PGR: variants seen among roughly 807,000 people sequenced by gnomAD.
PGR encodes progesterone receptor.
PGR carries 25 observed loss-of-function variants against 76.1 expected under a neutral mutation model. That is an observed-to-expected ratio of 0.33 (90% confidence interval 0.24 to 0.46). The LOEUF is 0.46. PGR is among the 20% of genes least tolerant of loss of function. The pLI is 1.00. For synonymous variants in PGR, 579 were observed against 535.0 expected, an observed-to-expected ratio of 1.08 and a Z score of -1.14; for missense variants, 1,172 against 1,225.3, an observed-to-expected ratio of 0.96 and a Z score of 0.65.
At chr11:101,117,601 T>C (rs1254822059) in intron 2 of PGR, among the ~76,000 whole-genome samples, 1 of 152,078 alleles carries the variant, frequency 6.6e-6, no homozygotes, top group Non-Finnish European at 1.5e-5. Flanking sequence ...ACTTTTAGGT[T>C]TCTTTTCTTC....
At chr11:101,103,881 G>A (rs1171706889) in intron 2 of PGR, among the ~76,000 whole-genome samples, 1 of 152,088 alleles carries the variant, frequency 6.6e-6, no homozygotes, top group African/African-American at 2.4e-5. Flanking sequence ...ACTTACTTCT[G>A]TTATACGTGT....
intron 2 of PGR, among the ~76,000 whole-genome samples, chr11:101,117,602 T>C (rs766189552): frequency 6.6e-6 from 1 of 152,136 alleles, no homozygotes; most frequent in African/African-American, 2.4e-5. Context: ...CTTTTAGGTT[T>C]CTTTTCTTCA....
At chr11:101,102,866 G>C (rs1457200383) in intron 2 of PGR, among the ~76,000 whole-genome samples, 1 of 145,308 alleles carries the variant, frequency 6.9e-6, no homozygotes, top group East Asian at 2.2e-4. Context: ...TGAGGGGTGG[G>C]GGGGGTTGGG....
Position 101,053,447 on chromosome 11 carries a change from A to G in PGR, c.2213-1879T>C, listed in dbSNP as rs1860166208. Among the ~76,000 whole-genome samples the G allele has an allele frequency of 3.9e-5, 6 of 152,114 alleles. No individual in the cohort carries two copies. In the South Asian group the frequency reaches 1.0e-3, roughly 26 times the overall value. On this transcript the variant is annotated intron_variant, in intron 4 of 7. Transcript: ENST00000325455. ...ATTAGAGATGCCATAGTGAGCATTT[A>G]CCTTTTACTGAGAAGGGATGCTCTT...
At chr11:101,073,517 T>TA (rs956064491) in intron 3 of PGR, among the ~76,000 whole-genome samples, 3,214 of 143,728 alleles carry the variant, frequency 0.022, 79 homozygotes, top group African/African-American at 0.058. Context: ...GAAAAACCCT[T>TA]AAAAAAAAAA....
At chr11:101,121,783 A>G (rs1475311182) in intron 2 of PGR, among the ~76,000 whole-genome samples, 1 of 152,238 alleles carries the variant, frequency 6.6e-6, no homozygotes, top group South Asian at 2.1e-4. Flanking sequence ...AGTACCTAAC[A>G]TAGTGCCTGG....
At chr11:101,112,936 A>G (rs1298826699) in intron 2 of PGR, among the ~76,000 whole-genome samples, 2 of 152,360 alleles carry the variant, frequency 1.3e-5, no homozygotes, top group Middle Eastern at 3.4e-3. Flanking sequence ...TGTTTAATAT[A>G]ACACATTTAG....
At chr11:101,115,463 A>G (rs1272937229) in intron 2 of PGR, among the ~76,000 whole-genome samples, 1 of 152,140 alleles carries the variant, frequency 6.6e-6, no homozygotes, top group Non-Finnish European at 1.5e-5. Context: ...GCATGGTACT[A>G]AGAATTTATT....
In PGR at chr11:101,033,319, A is replaced by G. The variant is rs78585439; in HGVS notation, c.*5797T>C. On this transcript the variant is annotated 3_prime_UTR_variant, in exon 8 of 8. Transcript: ENST00000325455. ...GAGCCACATCTCTGTTTCAACAAGA[A>G]TATGGTATGTTTGTATTAACTCTCC... is the stretch of plus-strand genomic sequence containing the variant. 1,217 of 202,564 alleles carry G rather than the reference A, an allele frequency of 6.0e-3. 18 individuals are homozygous for G. The highest frequency in any genetic ancestry group is 0.026 in the African/African-American group (1,152 of 43,760). The allele number at this position is 202,564 out of a possible 1,614,324, so 12.5% of individuals were successfully genotyped here.
At chr11:101,055,946 T>C (rs1860272988) in intron 4 of PGR, among the ~76,000 whole-genome samples, 1 of 152,208 alleles carries the variant, frequency 6.6e-6, no homozygotes, top group Non-Finnish European at 1.5e-5. Context: ...CAGAATGGAA[T>C]AGAACTCAGA....
In PGR at chr11:101,030,706, G is replaced by C. The variant is rs994316223; in HGVS notation, c.*8410C>G. The C allele has an allele frequency of 5.8e-5, 12 of 208,106 alleles. No individual in the cohort carries two copies. In the South Asian group the frequency reaches 2.3e-3, roughly 39 times the overall value. The allele number at this position is 208,106 out of a possible 1,614,324, so 12.9% of individuals were successfully genotyped here. Reference sequence around the variant, plus strand: ...AGTTGGTCTTTGAAATCCACAGAAAGGCAAGTCTGGAGATTAGGGCTTTCT... The same window carrying C: ...AGTTGGTCTTTGAAATCCACAGAAACGCAAGTCTGGAGATTAGGGCTTTCT... On this transcript the variant is annotated 3_prime_UTR_variant, in exon 8 of 8. Coordinates refer to ENST00000325455, the MANE Select transcript of PGR (RefSeq NM_000926.4).
chr11:101,084,047 A>T (rs996729875), intron 3 of PGR, among the ~76,000 whole-genome samples: 3 of 152,110 alleles, frequency 2.0e-5, no homozygotes, highest in African/African-American at 7.2e-5. Context: ...GGAACCTGGT[A>T]GGAGGTTATT....
rs1331820130 is a variant in PGR at position 101,051,578 on chromosome 11, A to G, written c.2213-10T>C. Reference sequence around the variant, plus strand: ...TGTAAGTTTCGAAAACCTACAAAACAAATTTAAAAATACAGTGACCATAAA... The same window carrying G: ...TGTAAGTTTCGAAAACCTACAAAACGAATTTAAAAATACAGTGACCATAAA... On this transcript the variant is annotated splice_polypyrimidine_tract_variant and intron_variant, in intron 4 of 7. Transcript: ENST00000325455. 8.2e-6 allele frequency: 13 copies of G among 1,583,644 alleles called. No homozygotes were observed. Among genetic ancestry groups the G allele is most frequent in the Non-Finnish European group, 9.5e-6 (11 of 1,153,162 alleles).
Position 101,108,130 on chromosome 11 carries a change from T to C in PGR, c.1790-16254A>G, listed in dbSNP as rs182479513. Among the ~76,000 whole-genome samples the C allele has an allele frequency of 3.2e-3, 489 of 151,838 alleles. 2 individuals are homozygous for C. The highest frequency in any genetic ancestry group is 0.011 in the African/African-American group (460 of 41,402). On this transcript the variant is annotated intron_variant, in intron 2 of 7. Coordinates refer to ENST00000325455, the MANE Select transcript of PGR (RefSeq NM_000926.4). ...TTAGGTGGGCTTGGTGGTGGGCACC[T>C]GTAATCCCAGCTACTCTGGAGGCTG...
intron 6 of PGR, among the ~76,000 whole-genome samples, chr11:101,046,701 G>A (rs1418631209): frequency 6.6e-6 from 1 of 151,894 alleles, no homozygotes; most frequent in Admixed American, 6.6e-5. Flanking sequence ...TCAATTATCT[G>A]TTATTCAAGG....
At position 101,033,999 on chromosome 11, in the gene PGR, G is replaced by A. The variant is rs1012102016; in HGVS notation, c.*5117C>T. 1.3e-4 allele frequency: 29 copies of A among 229,630 alleles called. 1 individual carries two copies. In the South Asian group the frequency reaches 1.6e-3, roughly 13 times the overall value. The allele number at this position is 229,630 out of a possible 1,614,324, so 14.2% of individuals were successfully genotyped here. ...TTAAATATTTTATTCATATCTATCC[G>A]AATATTGACCAGGACACTAATGCCA... On this transcript the variant is annotated 3_prime_UTR_variant, in exon 8 of 8. Coordinates refer to ENST00000325455, the MANE Select transcript of PGR (RefSeq NM_000926.4).
Position 101,128,056 on chromosome 11 carries a change from A to G in PGR, c.1015T>C (p.Phe339Leu), listed in dbSNP as rs1862938582. ...YDGGAGAASAFAPPRSSPCAS... is the reference protein window; with the variant it reads ...YDGGAGAASALAPPRSSPCAS... ...CAGGGTGAACTCCGCGGCGGGGCAAAGGCGCTGGCAGCCCCGGCCCCGCCG... is the reference window on the plus strand; with the variant it reads ...CAGGGTGAACTCCGCGGCGGGGCAAGGGCGCTGGCAGCCCCGGCCCCGCCG... The change falls in exon 1 of 8, where the codon TTT becomes CTT. Residue 339 changes from phenylalanine to leucine, a missense_variant. Around this residue, in one of 4 missense-constraint regions of PGR, gnomAD observed 893 missense variants for 785.9 expected, o/e 1.14. Transcript: ENST00000325455. The G allele has an allele frequency of 6.2e-7, 1 of 1,602,746 alleles. No individual in the cohort carries two copies. Among genetic ancestry groups the G allele is most frequent in the Non-Finnish European group, 8.5e-7 (1 of 1,179,584 alleles).
intron 2 of PGR, among the ~76,000 whole-genome samples, chr11:101,117,562 A>G (rs994557203): frequency 2.0e-5 from 3 of 152,130 alleles, no homozygotes; most frequent in African/African-American, 4.8e-5. Flanking sequence ...TCCCAAGACT[A>G]TAAATACATA....
chr11:101,104,291 G>A (rs973427282), intron 2 of PGR, among the ~76,000 whole-genome samples: 1 of 152,168 alleles, frequency 6.6e-6, no homozygotes, highest in Non-Finnish European at 1.5e-5. Context: ...TTGTCCAACA[G>A]CATAGTGATA....
Sources: allele counts gnomAD v4.1 joint callset (sites outside exome capture counted in the v4.1 genomes callset), GRCh38; gene constraint gnomAD v4.1.1; regional missense constraint gnomAD v4.1.1; transcripts MANE v1.5; gene names NCBI Gene and HGNC (gene_info 2026-07-23, HGNC 2026-07-21).